RPH3A: variants seen among roughly 807,000 people sequenced by gnomAD.
The protein encoded by RPH3A is rabphilin-3A.
Under a neutral mutation model 102.2 loss-of-function variants are expected in RPH3A, and 48 were observed. The observed-to-expected ratio is 0.47, with a 90% CI of 0.37 to 0.60. The LOEUF (loss-of-function observed/expected upper bound fraction) is 0.60. Among genes scored for constraint, RPH3A ranks in the 20% least tolerant of loss-of-function variants. The probability of loss-of-function intolerance (pLI) is 0.00; values close to 1 mark genes in which losing one functional copy is unlikely to be tolerated. For missense variants in RPH3A, 781 were observed against 910.1 expected, an observed-to-expected ratio of 0.86 and a Z score of 1.83; for synonymous variants, 310 against 324.3, an observed-to-expected ratio of 0.96 and a Z score of 0.47.
chr12:112,709,418 T>A (rs2040445154), intron 1 of RPH3A, among the ~76,000 whole-genome samples: 1 of 151,954 alleles, frequency 6.6e-6, no homozygotes, highest in African/African-American at 2.4e-5. Context: ...GGGTTAGTGA[T>A]GTGTGTCTGT....
At chr12:112,720,720 A>G in intron 1 of RPH3A, among the ~76,000 whole-genome samples, 1 of 152,218 alleles carries the variant, frequency 6.6e-6, no homozygotes, top group East Asian at 1.9e-4. Context: ...AAAGAAGGCA[A>G]GCCCAACTGT....
intron 1 of RPH3A, among the ~76,000 whole-genome samples, chr12:112,645,055 G>A (rs1253986539): frequency 6.6e-6 from 1 of 152,154 alleles, no homozygotes; most frequent in Non-Finnish European, 1.5e-5. Flanking sequence ...ATTTTTAAAA[G>A]TTGAGTATTG....
chr12:112,895,947 C>T, intron 21 of RPH3A, 74 bp downstream of exon 21: 1 of 1,026,832 alleles, frequency 9.7e-7, no homozygotes, highest in Admixed American at 1.8e-5. Flanking sequence ...TCCAGGGCTA[C>T]AGAGAGTTGA....
rs374402903 is a variant in RPH3A at position 112,725,766 on chromosome 12, TTTGTTGTTGTTGTTGTTG to T, written c.-139-66350_-139-66333del. On this transcript the variant is annotated intron_variant, in intron 1 of 21. Transcript: ENST00000543106. ...ATATTTAGGGAAGATGAGTGTAGTT[TTTGTTGTTGTTGTTGTTG>T]TTGTTGTTGTTGTTGTTGTTGTTGT... Among the ~76,000 whole-genome samples, 1,112 of 148,598 alleles carry T rather than the reference TTTGTTGTTGTTGTTGTTG, an allele frequency of 7.5e-3. 17 individuals carry two copies. The highest frequency in any genetic ancestry group is 0.026 in the African/African-American group (1,052 of 40,062).
In RPH3A at chr12:112,712,925, C is replaced by CTTCTTCTTCTTCCTCTTCT. The variant is rs1565856803; in HGVS notation, c.-139-79217_-139-79216insTCTTCTTCTTCCTCTTCTT. The stretch of plus-strand genomic sequence containing the variant: ...CTTCCTCTTCTTCTTCTTCTTCTTC[C>CTTCTTCTTCTTCCTCTTCT]TCTTCTTCTTCTTCTTCTTCTTCTT... On this transcript the variant is annotated intron_variant, in intron 1 of 21. Transcript: ENST00000543106. Among the ~76,000 whole-genome samples the CTTCTTCTTCTTCCTCTTCT allele has an allele frequency of 5.2e-4, 49 of 94,562 alleles. 1 individual carries two copies. The highest frequency in any genetic ancestry group is 2.0e-3 in the African/African-American group (43 of 21,926). 62.0% of individuals were successfully genotyped at this position (94,562 alleles called of 152,430 possible). A position where few individuals can be genotyped will look rare whatever the true frequency, so the allele number is the denominator to read the frequency against.
chr12:112,781,181 C>CA (rs1258534397), intron 1 of RPH3A, among the ~76,000 whole-genome samples: 1 of 119,440 alleles, frequency 8.4e-6, no homozygotes, highest in Admixed American at 8.9e-5. Flanking sequence ...ACAAAACAAA[C>CA]AAAAAAACCA....
chr12:112,826,725 A>G (rs538730673), intron 2 of RPH3A, among the ~76,000 whole-genome samples: 2 of 152,308 alleles, frequency 1.3e-5, no homozygotes, highest in African/African-American at 4.8e-5. Flanking sequence ...CACTAAACAT[A>G]ACATCTATGG....
chr12:112,743,211 G>A (rs1419669134), intron 1 of RPH3A, among the ~76,000 whole-genome samples: 1 of 152,214 alleles, frequency 6.6e-6, no homozygotes, highest in Non-Finnish European at 1.5e-5. Flanking sequence ...CTGGGGATTA[G>A]GACGTAGACC....
chr12:112,821,685 C>T (rs1282410691), intron 2 of RPH3A, among the ~76,000 whole-genome samples: 1 of 152,188 alleles, frequency 6.6e-6, no homozygotes, highest in Admixed American at 6.5e-5. Context: ...TCATCCTTCC[C>T]TCTTTTATTT....
At chr12:112,751,429 T>A (rs1432061269) in intron 1 of RPH3A, among the ~76,000 whole-genome samples, 1 of 152,234 alleles carries the variant, frequency 6.6e-6, no homozygotes, top group Non-Finnish European at 1.5e-5. Flanking sequence ...TCAGTTTACC[T>A]GTCTATAAAA....
At chr12:112,741,945 A>G (rs1200450241) in intron 1 of RPH3A, among the ~76,000 whole-genome samples, 3 of 152,190 alleles carry the variant, frequency 2.0e-5, no homozygotes, top group Admixed American at 6.5e-5. Context: ...TTTTGCACGT[A>G]CTAAACCTCT....
At chr12:112,709,634 C>A (rs1436963540) in intron 1 of RPH3A, among the ~76,000 whole-genome samples, 1 of 151,996 alleles carries the variant, frequency 6.6e-6, no homozygotes, top group East Asian at 1.9e-4. Flanking sequence ...TTATTAAGCA[C>A]CTACTATGTG....
chr12:112,881,782 C>G lies in RPH3A; in HGVS notation c.1262C>G (p.Pro421Arg). Residue 421 changes from proline (P) to arginine (R), a missense_variant, in exon 15 of 22, where the codon CCC (proline) becomes CGC (arginine). Physicochemically the swap from Pro to Arg is moderately radical, Grantham distance 103. Transcript: ENST00000389385. ...CTCCTTCTCTTGCAGGGCCTGAAGC[C>G]CATGGATTCAAACGGCTTGGCTGAT... ...CTIIKAKGLKPMDSNGLADPY... is the reference protein window; with the variant it reads ...CTIIKAKGLKRMDSNGLADPY... The G allele has an allele frequency of 6.2e-7, 1 of 1,611,960 alleles. No individual in the cohort carries two copies. Among genetic ancestry groups the G allele is most frequent in the Non-Finnish European group, 8.5e-7 (1 of 1,178,726 alleles).
At chr12:112,640,667 G>A (rs907532140) in intron 1 of RPH3A, among the ~76,000 whole-genome samples, 1 of 152,188 alleles carries the variant, frequency 6.6e-6, no homozygotes, top group African/African-American at 2.4e-5. Flanking sequence ...TGAGTGCATG[G>A]AAGTTCTGCA....
chr12:112,883,284 G>T lies in RPH3A; in HGVS notation c.1327-9G>T, dbSNP rs1263170771. The T allele has an allele frequency of 1.9e-6, 3 of 1,610,620 alleles. No individual in the cohort carries two copies. In the African/African-American group the frequency reaches 4.0e-5, roughly 22 times the overall value. On this transcript the variant is annotated splice_polypyrimidine_tract_variant and intron_variant, in intron 15 of 21. Coordinates refer to ENST00000389385, the MANE Select transcript of RPH3A (RefSeq NM_001143854.2). ...GTAGGTGTCTCTGTCCATCTCTCTC[G>T]GGCTCTAGTCCAACAAGCTTCGTAC...
At chr12:112,837,035 C>T (rs1328499046) in intron 4 of RPH3A, among the ~76,000 whole-genome samples, 1 of 152,188 alleles carries the variant, frequency 6.6e-6, no homozygotes, top group Non-Finnish European at 1.5e-5. Flanking sequence ...TAATTGGATT[C>T]ATTTCCTAAA....
chr12:112,681,262 C>T (rs1403525573), intron 1 of RPH3A, among the ~76,000 whole-genome samples: 1 of 152,238 alleles, frequency 6.6e-6, no homozygotes, highest in African/African-American at 2.4e-5. Flanking sequence ...GAGTTCCTCC[C>T]TCTCCAGGCC....
At chr12:112,592,163 G>A (rs1165076299) in intron 1 of RPH3A, among the ~76,000 whole-genome samples, 3 of 152,024 alleles carry the variant, frequency 2.0e-5, no homozygotes. Context: ...CATCCCTTGA[G>A]GCCAGGAGTT....
intron 2 of RPH3A, among the ~76,000 whole-genome samples, chr12:112,824,502 C>T (rs2136144744): frequency 1.3e-5 from 2 of 152,272 alleles, no homozygotes; most frequent in Admixed American, 1.3e-4. Flanking sequence ...ACTGCATCTC[C>T]ACCTCCATCC....
Sources: allele counts gnomAD v4.1 joint callset (sites outside exome capture counted in the v4.1 genomes callset), GRCh38; gene constraint gnomAD v4.1.1; transcripts MANE v1.5; gene names NCBI Gene and HGNC (gene_info 2026-07-23, HGNC 2026-07-21).